The following PCDHGC3 variants were observed in gnomAD, a reference collection of about 807,000 sequenced individuals.
PCDHGC3 encodes protocadherin gamma subfamily C, 3, also known as protocadherin gamma-C3.
A neutral mutation model predicts 59.2 loss-of-function variants in PCDHGC3; 26 were observed. That is an observed-to-expected ratio of 0.44 (90% confidence interval 0.32 to 0.61). The LOEUF (loss-of-function observed/expected upper bound fraction) is 0.61, where lower values mean the gene tolerates loss of function less well. Among genes scored for constraint, PCDHGC3 ranks in the 20% least tolerant of loss-of-function variants. The pLI, the probability that PCDHGC3 is intolerant of heterozygous loss-of-function variation, is 0.05. For missense variants in PCDHGC3, 1,080 were observed against 1,221.8 expected (o/e 0.88, Z 1.73); for synonymous variants, 487 against 519.7 (o/e 0.94, Z 0.86).
In PCDHGC3 at chr5:141,491,272, A is replaced by G. The variant is rs2099710110; in HGVS notation, c.2431-3535A>G. On this transcript the variant is annotated intron_variant, in intron 1 of 3. Transcript: ENST00000308177. The surrounding 1 kb of genome is among the most constrained non-coding windows in gnomAD (Gnocchi z 6.9). The stretch of plus-strand genomic sequence containing the variant: ...GGACCCTGAGGAAATGCCCAAATCC[A>G]GTGACTTCCTCATACACCCTCCTGA... The G allele has an allele frequency of 1.2e-6, 2 of 1,614,084 alleles. No homozygotes were observed. Among genetic ancestry groups the G allele is most frequent in the Non-Finnish European group, 1.7e-6 (2 of 1,179,928 alleles).
In PCDHGC3 at chr5:141,511,261, G is replaced by A; in HGVS notation, c.*88G>A. On this transcript the variant is annotated 3_prime_UTR_variant, in exon 4 of 4. Transcript: ENST00000308177. The stretch of plus-strand genomic sequence containing the variant: ...CTGCACCCAGGCCTCAGAGTTTCAG[G>A]GCTAACCCCCAGAATACTGGTAGGG... 2 of 1,557,474 alleles carry A rather than the reference G, an allele frequency of 1.3e-6. No homozygotes were observed. The highest frequency in any genetic ancestry group is 1.4e-5 in the African/African-American group (1 of 73,440).
rs143138320 is a variant in PCDHGC3 at position 141,489,458 on chromosome 5, G to C, written c.2431-5349G>C. The stretch of plus-strand genomic sequence containing the variant: ...CAATTGGGCTCTGAGGAGAATGGGC[G>C]CTATTTTTCCCTGAGCTTGATGAGT... On this transcript the variant is annotated intron_variant, in intron 1 of 3. Coordinates refer to ENST00000308177, the MANE Select transcript of PCDHGC3 (RefSeq NM_002588.4). The surrounding 1 kb of genome is among the most constrained non-coding windows in gnomAD (Gnocchi z 4.5). 3.7e-6 allele frequency: 6 copies of C among 1,613,924 alleles called. No individual in the cohort carries two copies. The highest frequency in any genetic ancestry group is 5.1e-6 in the Non-Finnish European group (6 of 1,180,000).
intron 2 of PCDHGC3, 99 bp from the exon 3 acceptor site, chr5:141,505,294 G>T: frequency 6.4e-7 from 1 of 1,572,086 alleles, no homozygotes; most frequent in Non-Finnish European, 8.6e-7. Context: ...GCATGGGGTA[G>T]GGTTAGGGTA....
intron 2 of PCDHGC3, among the ~76,000 whole-genome samples, chr5:141,495,270 G>C (rs1428903664): frequency 1.3e-5 from 2 of 152,178 alleles, no homozygotes; most frequent in Non-Finnish European, 2.9e-5. Context: ...GCATTTGACC[G>C]GAGGAGGCGG....
In PCDHGC3 at chr5:141,491,707, G is replaced by A. The variant is rs1337506934; in HGVS notation, c.2431-3100G>A. ...GCTGCGGGAGCGGAGCCAGGTGAGG[G>A]GCTCGGCGCCGCCCCGGGCGACCCC... On this transcript the variant is annotated intron_variant, in intron 1 of 3. Transcript: ENST00000308177. The surrounding 1 kb of genome is among the most constrained non-coding windows in gnomAD (Gnocchi z 6.9). The A allele has an allele frequency of 6.2e-6, 10 of 1,610,604 alleles. No homozygotes were observed. Among genetic ancestry groups the A allele is most frequent in the Admixed American group, 1.7e-5 (1 of 59,554 alleles).
chr5:141,484,096 G>A (rs539388257), intron 1 of PCDHGC3, among the ~76,000 whole-genome samples: 1 of 152,126 alleles, frequency 6.6e-6, no homozygotes, highest in South Asian at 2.1e-4. Flanking sequence ...GTCTTCGTTG[G>A]TAATTAACAA....
In PCDHGC3 at chr5:141,478,144, G is replaced by A. The variant is rs2099432883; in HGVS notation, c.2028G>A (p.Glu676=). The A allele has an allele frequency of 6.2e-7, 1 of 1,613,918 alleles. No homozygotes were observed. The highest frequency in any genetic ancestry group is 8.5e-7 in the Non-Finnish European group (1 of 1,180,032). ...VTEDSPEARA[E]FPSGSAPREQ... ...AGGACTCTCCTGAAGCCCGAGCCGA[G>A]TTCCCCTCTGGCTCTGCCCCCCGGG... is the stretch of plus-strand genomic sequence containing the variant. The change falls in exon 1 of 4, where the codon GAG becomes GAA. Residue 676 remains glutamate (E), a synonymous_variant. Transcript: ENST00000308177.
intron 2 of PCDHGC3, among the ~76,000 whole-genome samples, chr5:141,497,880 T>C (rs2099780200): frequency 6.6e-6 from 1 of 152,170 alleles, no homozygotes; most frequent in Non-Finnish European, 1.5e-5. Context: ...GAAATAAGCG[T>C]TAGGATCTAG....
chr5:141,477,804 A>G lies in PCDHGC3; in HGVS notation c.1688A>G (p.Asn563Ser). The G allele has an allele frequency of 6.2e-7, 1 of 1,614,088 alleles. No individual in the cohort carries two copies. The part of the protein sequence containing the change: ...VNIFVTDRND[N>S]APQVLYPRPG... ...ATATTTGTCACTGATCGCAATGACA[A>G]TGCCCCCCAGGTCCTATATCCTCGG... Residue 563 changes from asparagine (N) to serine (S), a missense_variant, in exon 1 of 4, where the codon AAT becomes AGT. Asn to Ser is a conservative substitution (Grantham distance 46). Transcript: ENST00000308177. The surrounding 1 kb of genome is among the most constrained non-coding windows in gnomAD (Gnocchi z 4.9).
intron 1 of PCDHGC3, among the ~76,000 whole-genome samples, chr5:141,482,161 G>A (rs2099554171): frequency 6.6e-6 from 1 of 152,008 alleles, no homozygotes; most frequent in Non-Finnish European, 1.5e-5. Context: ...TCAAAGATAT[G>A]TAAGATTAAG....
In PCDHGC3 at chr5:141,490,294, T is replaced by C. The variant is rs766906839; in HGVS notation, c.2431-4513T>C. ...CAATGACAATGCCCCAGAGGTGCTA[T>C]TGGCCTCTTTGGCCAACCCTGTCCT... On this transcript the variant is annotated intron_variant, in intron 1 of 3. Transcript: ENST00000308177. This position sits in a 1 kb window ranked among gnomAD's most constrained non-coding sequence, Gnocchi z 5.4. The C allele has an allele frequency of 5.6e-6, 9 of 1,614,104 alleles. No individual in the cohort carries two copies. The East Asian group carries it at 1.3e-4, about 24-fold the overall frequency.
intron 1 of PCDHGC3, among the ~76,000 whole-genome samples, chr5:141,482,530 C>CAAAAAAAAAAAAAAAAAAAAAA (rs3074545): frequency 1.3e-5 from 1 of 76,562 alleles, no homozygotes. Context: ...GACAGACATG[C>CAAAAAAAAAAAAAAAAAAAAAA]AAAAAAAAAA....
At chr5:141,504,384 C>G (rs2099837898) in intron 2 of PCDHGC3, among the ~76,000 whole-genome samples, 1 of 152,026 alleles carries the variant, frequency 6.6e-6, no homozygotes, top group South Asian at 2.1e-4. Flanking sequence ...GAGTCGCTGC[C>G]TCACAGAAGC....
chr5:141,482,923 AT>A (rs1193255251), intron 1 of PCDHGC3, among the ~76,000 whole-genome samples: 10 of 152,074 alleles, frequency 6.6e-5, no homozygotes, highest in Non-Finnish European at 1.5e-4. Context: ...AATACAAAAA[AT>A]TAGCCAGGTG....
Position 141,493,477 on chromosome 5 carries a change from G to A in PCDHGC3, c.2431-1330G>A, listed in dbSNP as rs1657824440. On this transcript the variant is annotated intron_variant, in intron 1 of 3. Transcript: ENST00000308177. This position sits in a 1 kb window ranked among gnomAD's most constrained non-coding sequence, Gnocchi z 4.3. ...TTCCCTTTTAGGACCTTACATGTGG[G>A]GAAAGTCTTCTGTGGCTCCTCATTT... is the stretch of plus-strand genomic sequence containing the variant. Among the ~76,000 whole-genome samples, 3 of 152,124 alleles carry A rather than the reference G, an allele frequency of 2.0e-5. No individual in the cohort carries two copies. The highest frequency in any genetic ancestry group is 6.5e-5 in the Admixed American group (1 of 15,272).
rs919375073 is a variant in PCDHGC3 at position 141,490,642 on chromosome 5, C to A, written c.2431-4165C>A. On this transcript the variant is annotated intron_variant, in intron 1 of 3. Coordinates refer to ENST00000308177, the MANE Select transcript of PCDHGC3 (RefSeq NM_002588.4). This position sits in a 1 kb window ranked among gnomAD's most constrained non-coding sequence, Gnocchi z 5.4. ...CACTGCTTACATCCTAGAAAACCGG[C>A]CTCCGGGCTCCCTTCTTTGCACTGT... 4.3e-6 allele frequency: 7 copies of A among 1,614,102 alleles called. No individual in the cohort carries two copies. In the African/African-American group the frequency reaches 6.7e-5, roughly 15 times the overall value.
At chr5:141,482,239 A>G (rs529504334) in intron 1 of PCDHGC3, among the ~76,000 whole-genome samples, 31 of 152,332 alleles carry the variant, frequency 2.0e-4, no homozygotes, top group Middle Eastern at 3.4e-3. Context: ...TGCCAATATA[A>G]GTATAGTACT....
intron 2 of PCDHGC3, among the ~76,000 whole-genome samples, chr5:141,503,598 CAA>C (rs765754054): frequency 2.7e-4 from 18 of 65,718 alleles, no homozygotes; most frequent in Admixed American, 6.9e-4. Flanking sequence ...GACTCCAGCT[CAA>C]AAAAAAAAAA....
At chr5:141,500,340 C>A (rs188966393) in intron 2 of PCDHGC3, among the ~76,000 whole-genome samples, 92 of 152,066 alleles carry the variant, frequency 6.0e-4, no homozygotes, top group African/African-American at 2.1e-3. Flanking sequence ...TCCAGAATAG[C>A]TGGGACTACA....
Sources: gnomAD v4.1 joint callset for allele counts (sites outside exome capture counted in the v4.1 genomes callset) on GRCh38, gnomAD v4.1.1 for gene constraint, Gnocchi (gnomAD v3.1) non-coding constraint, MANE v1.5 for transcripts, NCBI Gene and HGNC (gene_info 2026-07-23, HGNC 2026-07-21) for gene names.